Variants in NEK1 observed in about 807,000 individuals in gnomAD.
NEK1 encodes serine/threonine-protein kinase Nek1.
In NEK1, 137 loss-of-function variants were observed where a neutral mutation model predicts 182.1. The observed-to-expected ratio is 0.75, with a 90% CI of 0.65 to 0.87. The LOEUF is 0.87. NEK1 is among the 40% of genes least tolerant of loss of function. The pLI is 0.00. For synonymous variants in NEK1, 513 were observed against 492.2 expected (o/e 1.04, Z -0.56); for missense variants, 1,391 against 1,494.4 (o/e 0.93, Z 1.14).
intron 26 of NEK1, among the ~76,000 whole-genome samples, chr4:169,464,734 T>C (rs562959794): frequency 6.6e-6 from 1 of 152,130 alleles, no homozygotes; most frequent in South Asian, 2.1e-4. Flanking sequence ...TTCTATATAT[T>C]AAACAGAAAA....
rs1329926700 is a variant in NEK1, at chr4:169,514,322, G to C, written c.1666-5470C>G. On this transcript the variant is annotated intron_variant, in intron 19 of 35. Transcript: ENST00000507142. ...GTATTTAATTTCATCAAAGATACTG[G>C]TCTGTAGTTTGCTTTTCTGTGCTGT... Among the ~76,000 whole-genome samples, 3 of 152,116 alleles carry C rather than the reference G, an allele frequency of 2.0e-5. No individual in the cohort carries two copies. The South Asian group carries it at 6.2e-4, about 31-fold the overall frequency.
chr4:169,569,867 C>T (rs1053014756), intron 12 of NEK1, among the ~76,000 whole-genome samples: 13 of 152,346 alleles, frequency 8.5e-5, no homozygotes, highest in African/African-American at 3.1e-4. Context: ...AGCCGCCTGC[C>T]TTGGCCTTCC....
At chr4:169,411,241 G>A (rs182335836) in intron 31 of NEK1, among the ~76,000 whole-genome samples, 2 of 151,440 alleles carry the variant, frequency 1.3e-5, no homozygotes, top group Non-Finnish European at 2.9e-5. Flanking sequence ...TTCCAGTAGA[G>A]CTTTATCAAA....
chr4:169,457,656 G>A (rs1194387884), intron 27 of NEK1, among the ~76,000 whole-genome samples: 5 of 137,234 alleles, frequency 3.6e-5, no homozygotes, highest in East Asian at 2.1e-4. Context: ...GTGCGGGGCA[G>A]GGGGAGAGAA....
At chr4:169,538,528 TC>T (rs1396828442) in intron 18 of NEK1, among the ~76,000 whole-genome samples, 1 of 152,188 alleles carries the variant, frequency 6.6e-6, no homozygotes, top group African/African-American at 2.4e-5. Flanking sequence ...AACATGCTGA[TC>T]TTAGACTATA....
At chr4:169,409,745 G>A (rs1158872372) in intron 31 of NEK1, among the ~76,000 whole-genome samples, 1 of 152,124 alleles carries the variant, frequency 6.6e-6, no homozygotes, top group Non-Finnish European at 1.5e-5. Context: ...TCCAGCCTGG[G>A]CGACAGAGCG....
intron 16 of NEK1, among the ~76,000 whole-genome samples, chr4:169,559,796 G>A (rs1002226747): frequency 6.6e-6 from 1 of 152,194 alleles, no homozygotes; most frequent in African/African-American, 2.4e-5. Flanking sequence ...GGTCACCTGA[G>A]GTCGGGAGTT....
chr4:169,595,208 C>T (rs1235840490), intron 5 of NEK1, among the ~76,000 whole-genome samples: 1 of 151,996 alleles, frequency 6.6e-6, no homozygotes, highest in Non-Finnish European at 1.5e-5. Flanking sequence ...ATCATGAATG[C>T]TAACTGCTTG....
chr4:169,402,876 A>G (rs1299008984), intron 32 of NEK1, among the ~76,000 whole-genome samples: 1 of 152,062 alleles, frequency 6.6e-6, no homozygotes, highest in Non-Finnish European at 1.5e-5. Context: ...TGTAAATGGA[A>G]AAGTTTGTAG....
At chr4:169,515,633 C>A (rs1393080995) in intron 19 of NEK1, among the ~76,000 whole-genome samples, 1 of 115,730 alleles carries the variant, frequency 8.6e-6, no homozygotes, top group Non-Finnish European at 1.8e-5. Context: ...GGTATATCTC[C>A]CAATGCTATC....
At chr4:169,531,103 T>C (rs1004271924) in intron 19 of NEK1, among the ~76,000 whole-genome samples, 19 of 151,862 alleles carry the variant, frequency 1.3e-4, no homozygotes, top group African/African-American at 3.4e-4. Flanking sequence ...AATAATTCTA[T>C]AGAAGGCATT....
chr4:169,541,961 C>A (rs984005220), intron 18 of NEK1, among the ~76,000 whole-genome samples: 1 of 152,116 alleles, frequency 6.6e-6, no homozygotes, highest in Non-Finnish European at 1.5e-5. Flanking sequence ...CATGACAAGT[C>A]AGTCAATTCT....
intron 5 of NEK1, among the ~76,000 whole-genome samples, chr4:169,597,188 A>T (rs138882026): frequency 6.6e-6 from 1 of 152,232 alleles, no homozygotes; most frequent in South Asian, 2.1e-4. Flanking sequence ...ATATACTAAC[A>T]TACATTACTA....
chr4:169,593,237 C>T (rs1768836786), intron 5 of NEK1, among the ~76,000 whole-genome samples: 1 of 152,048 alleles, frequency 6.6e-6, no homozygotes. Context: ...TTAGGTTTTG[C>T]AGGCCAGATG....
intron 27 of NEK1, among the ~76,000 whole-genome samples, chr4:169,460,145 T>C (rs763917560): frequency 6.6e-6 from 1 of 152,114 alleles, no homozygotes; most frequent in Non-Finnish European, 1.5e-5. Context: ...ACAGGAACTC[T>C]GTACTTTTCA....
chr4:169,535,568 C>G (rs898290306), intron 19 of NEK1, among the ~76,000 whole-genome samples: 3 of 151,630 alleles, frequency 2.0e-5, no homozygotes, highest in African/African-American at 4.8e-5. Flanking sequence ...GAGAGGCAAA[C>G]AGAAAAACAT....
chr4:169,482,713 A>C (rs1423791602), intron 23 of NEK1, among the ~76,000 whole-genome samples: 4 of 149,724 alleles, frequency 2.7e-5, no homozygotes, highest in Non-Finnish European at 4.4e-5. Context: ...GCTCAGTGAA[A>C]CCTCCGCCTC....
intron 7 of NEK1, 132 bp downstream of exon 7, chr4:169,589,315 A>G (rs1158376597): frequency 2.0e-5 from 13 of 659,538 alleles, no homozygotes; most frequent in Non-Finnish European, 3.5e-5. Context: ...CTTTCTCAGA[A>G]CATGTCCCAA....
chr4:169,418,786 A>T (rs575708903), intron 31 of NEK1, among the ~76,000 whole-genome samples: 1 of 152,170 alleles, frequency 6.6e-6, no homozygotes, highest in Non-Finnish European at 1.5e-5. Flanking sequence ...ATGTAACTGG[A>T]GTCACAGAAA....
Sources: gnomAD v4.1 joint callset for allele counts (sites outside exome capture counted in the v4.1 genomes callset) on GRCh38, gnomAD v4.1.1 for gene constraint, MANE v1.5 for transcripts, NCBI Gene and HGNC (gene_info 2026-07-23, HGNC 2026-07-21) for gene names.